The following BDH1 variants were observed in gnomAD, a reference collection of about 807,000 sequenced individuals.
The protein encoded by BDH1 is D-beta-hydroxybutyrate dehydrogenase, mitochondrial.
In BDH1, 30 loss-of-function variants were observed where a neutral mutation model predicts 33.1. The observed-to-expected ratio is 0.91, with a 90% CI of 0.68 to 1.23. BDH1 has a LOEUF of 1.23. Ranked by LOEUF, BDH1 falls within the 50% of genes most tolerant of loss-of-function variation. The pLI is 0.00. For synonymous variants in BDH1, 190 were observed against 183.6 expected (o/e 1.03, Z -0.28); for missense variants, 443 against 464.4 (o/e 0.95, Z 0.42).
rs945590113 is a variant in BDH1, at chr3:197,521,181, G to A, written c.409+1459C>T. Among the ~76,000 whole-genome samples the A allele has an allele frequency of 2.9e-4, 44 of 152,242 alleles. No homozygotes were observed. Among genetic ancestry groups the A allele is most frequent in the African/African-American group, 6.0e-4 (25 of 41,542 alleles). On this transcript the variant is annotated intron_variant, in intron 6 of 7. Coordinates refer to ENST00000392379, the MANE Select transcript of BDH1 (RefSeq NM_203314.3). This position sits in a 1 kb window ranked among gnomAD's most constrained non-coding sequence, Gnocchi z 4.9. ...GAGGGAAAGCAGAGGCCTGAATGAC[G>A]CACACCCTTTCTGCCTGGGCTGTCA...
At chr3:197,530,706 A>G (rs1293346878) in intron 5 of BDH1, 1 of 152,664 alleles carries the variant, frequency 6.6e-6, no homozygotes, top group Non-Finnish European at 1.5e-5. Context: ...ATTTTGATGA[A>G]GTAAATTATG....
intron 3 of BDH1, among the ~76,000 whole-genome samples, chr3:197,534,950 G>A (rs1308677406): frequency 6.6e-6 from 1 of 152,174 alleles, no homozygotes; most frequent in Non-Finnish European, 1.5e-5. Flanking sequence ...TACAGTTCTG[G>A]AAGCTGGGGA....
At chr3:197,558,494 G>A (rs1717150704), upstream of BDH1, among the ~76,000 whole-genome samples, 1 of 152,028 alleles carries the variant, frequency 6.6e-6, no homozygotes, top group Admixed American at 6.5e-5. Flanking sequence ...ATACACCCTT[G>A]GATGCCATTC....
rs1214846621 is a variant in BDH1 at position 197,522,248 on chromosome 3, C to A, written c.409+392G>T. On this transcript the variant is annotated intron_variant, in intron 6 of 7. Coordinates refer to ENST00000392379, the MANE Select transcript of BDH1 (RefSeq NM_203314.3). The surrounding 1 kb of genome is among the most constrained non-coding windows in gnomAD (Gnocchi z 4.8). ...CTGTGCTGCTCTGCCTCTCTCAATG[C>A]ACGGCTCCCTGATTTTGAACTCAGT... 1.3e-5 allele frequency among the ~76,000 whole-genome samples: 2 copies of A among 152,200 alleles called. No homozygotes were observed. The highest frequency in any genetic ancestry group is 1.3e-4 in the Admixed American group (2 of 15,284).
chr3:197,549,495 C>G (rs1394033097), intron 2 of BDH1, among the ~76,000 whole-genome samples: 1 of 152,210 alleles, frequency 6.6e-6, no homozygotes, highest in Non-Finnish European at 1.5e-5. Flanking sequence ...CAGGCATTCC[C>G]AGTACTAACA....
chr3:197,532,657 G>C (rs1425635820), intron 4 of BDH1, 135 bp from the exon 5 acceptor site: 7 of 640,026 alleles, frequency 1.1e-5, no homozygotes, highest in Middle Eastern at 3.8e-4. Flanking sequence ...CCTTGTTCTT[G>C]TTGTCTGGAG....
In BDH1 at chr3:197,515,434, G is replaced by A. The variant is rs1012279337; in HGVS notation, c.410-1018C>T. 1.5e-4 allele frequency: 144 copies of A among 985,704 alleles called. 1 individual carries two copies. In the African/African-American group the frequency reaches 2.0e-3, roughly 14 times the overall value. The allele number at this position is 985,704 out of a possible 1,614,324, so 61.1% of individuals were successfully genotyped here. On this transcript the variant is annotated intron_variant, in intron 6 of 7. Transcript: ENST00000392379. ...CAGCTCCCACTGTCTCCCTGCAGAC[G>A]CGCCCTGAGTCTTCACCTTCTTCTC...
At chr3:197,537,393 T>C (rs1715249210) in intron 3 of BDH1, among the ~76,000 whole-genome samples, 1 of 152,236 alleles carries the variant, frequency 6.6e-6, no homozygotes, top group African/African-American at 2.4e-5. Context: ...CCTGCTAAAC[T>C]TACTTATTAG....
chr3:197,527,659 G>GCTTCACTCTACTCCCCCCTCATTCT (rs2108734589), intron 5 of BDH1, among the ~76,000 whole-genome samples: 1 of 152,194 alleles, frequency 6.6e-6, no homozygotes, highest in South Asian at 2.1e-4. Flanking sequence ...CAGCCACAGA[G>GCTTCACTCTACTCCCCCCTCATTCT]GCTTCATGCT....
rs1171738574 is a variant in BDH1 at position 197,514,785 on chromosome 3, G to A, written c.410-369C>T. Among the ~76,000 whole-genome samples, 3 of 152,010 alleles carry A rather than the reference G, an allele frequency of 2.0e-5. No individual in the cohort carries two copies. Among genetic ancestry groups the A allele is most frequent in the East Asian group, 1.9e-4 (1 of 5,182 alleles). On this transcript the variant is annotated intron_variant, in intron 6 of 7. Coordinates refer to ENST00000392379, the MANE Select transcript of BDH1 (RefSeq NM_203314.3). The surrounding 1 kb of genome is among the most constrained non-coding windows in gnomAD (Gnocchi z 4.2). ...CCCACACCCTGAGTTTGAGTTTCAC[G>A]CCCCGTTCCTGTTTACTCATCTCTG...
At chr3:197,535,380 T>C (rs1451070682) in intron 3 of BDH1, among the ~76,000 whole-genome samples, 1 of 152,214 alleles carries the variant, frequency 6.6e-6, no homozygotes, top group African/African-American at 2.4e-5. Flanking sequence ...TTTTATCCTC[T>C]GTAGCAGGGT....
chr3:197,546,145 A>G, intron 3 of BDH1: 1 of 488,232 alleles, frequency 2.0e-6, no homozygotes, highest in Admixed American at 3.3e-5. Flanking sequence ...AAAAGAAAAA[A>G]AAATAAGTGG....
Position 197,519,281 on chromosome 3 carries a change from C to T in BDH1, c.409+3359G>A, listed in dbSNP as rs144950223. Among the ~76,000 whole-genome samples the T allele has an allele frequency of 9.0e-3, 1,374 of 152,182 alleles. 14 individuals are homozygous for T. Among genetic ancestry groups the T allele is most frequent in the Non-Finnish European group, 0.011 (716 of 68,018 alleles). Reference sequence around the variant, plus strand: ...GTCTGATCCAGGCATGAGTGCTGGACGGCTCAGAGCACTCTCCCACTTCAC... The same window carrying T: ...GTCTGATCCAGGCATGAGTGCTGGATGGCTCAGAGCACTCTCCCACTTCAC... On this transcript the variant is annotated intron_variant, in intron 6 of 7. Coordinates refer to ENST00000392379, the MANE Select transcript of BDH1 (RefSeq NM_203314.3).
At chr3:197,562,544 T>C (rs1717300679) in intron 1 of BDH1, among the ~76,000 whole-genome samples, 1 of 152,124 alleles carries the variant, frequency 6.6e-6, no homozygotes, top group African/African-American at 2.4e-5. Flanking sequence ...AAAAATTTAA[T>C]TTTAAAAATG....
chr3:197,565,014 C>T (rs1717389316), intron 1 of BDH1, among the ~76,000 whole-genome samples: 4 of 152,164 alleles, frequency 2.6e-5, no homozygotes, highest in South Asian at 2.1e-4. Context: ...CCTCCACCTC[C>T]AAGGTTCAAG....
At chr3:197,550,113 CAA>C (rs1716433382) in intron 2 of BDH1, among the ~76,000 whole-genome samples, 2 of 151,988 alleles carry the variant, frequency 1.3e-5, no homozygotes, top group Non-Finnish European at 2.9e-5. Flanking sequence ...AGCCCTCATT[CAA>C]AAAGACACCT....
chr3:197,550,986 T>C lies in BDH1; in HGVS notation c.-44+3576A>G, dbSNP rs148160769. ...ATATTTACGGGGTACTATTTTGATATAGGCATACAATGTGTAATAATCACC... is the reference window on the plus strand; with the variant it reads ...ATATTTACGGGGTACTATTTTGATACAGGCATACAATGTGTAATAATCACC... On this transcript the variant is annotated intron_variant, in intron 2 of 7. Coordinates refer to ENST00000392379, the MANE Select transcript of BDH1 (RefSeq NM_203314.3). Among the ~76,000 whole-genome samples the C allele has an allele frequency of 2.6e-3, 401 of 152,334 alleles. 1 individual carries two copies. The highest frequency in any genetic ancestry group is 9.1e-3 in the African/African-American group (380 of 41,572).
At chr3:197,569,218 C>T (rs1717527724) in intron 1 of BDH1, among the ~76,000 whole-genome samples, 1 of 150,552 alleles carries the variant, frequency 6.6e-6, no homozygotes, top group Admixed American at 6.6e-5. Context: ...TTTTTAAAAT[C>T]CCAGTTTCTG....
chr3:197,553,901 T>C (rs771168144), intron 2 of BDH1, among the ~76,000 whole-genome samples: 8 of 152,216 alleles, frequency 5.3e-5, no homozygotes, highest in Non-Finnish European at 8.8e-5. Context: ...AGATGTTTGG[T>C]CTAGGTGTAA....
Sources: allele counts gnomAD v4.1 joint callset (sites outside exome capture counted in the v4.1 genomes callset), GRCh38; gene constraint gnomAD v4.1.1; non-coding constraint Gnocchi (gnomAD v3.1); transcripts MANE v1.5; gene names NCBI Gene and HGNC (gene_info 2026-07-23, HGNC 2026-07-21).